SIK3: variants seen among roughly 807,000 people sequenced by gnomAD.
SIK3 encodes the protein serine/threonine-protein kinase SIK3.
SIK3 carries 28 observed loss-of-function variants against 144.2 expected under a neutral mutation model. The observed-to-expected ratio is 0.19, with a 90% CI of 0.14 to 0.27. SIK3 has a LOEUF of 0.27. Among genes scored for constraint, SIK3 ranks in the 10% least tolerant of loss-of-function variants. The pLI, the probability that SIK3 is intolerant of heterozygous loss-of-function variation, is 1.00. For missense variants in SIK3, 1,319 were observed against 1,776.0 expected, an observed-to-expected ratio of 0.74 and a Z score of 4.62; for synonymous variants, 686 against 676.3, an observed-to-expected ratio of 1.01 and a Z score of -0.22.
At chr11:116,926,929 G>A (rs1027156040) in intron 4 of SIK3, among the ~76,000 whole-genome samples, 1 of 150,952 alleles carries the variant, frequency 6.6e-6, no homozygotes, top group African/African-American at 2.4e-5. Context: ...GCTGAGGCAG[G>A]AGAATCGCTT....
At chr11:117,084,565 C>T (rs2134036298) in intron 1 of SIK3, among the ~76,000 whole-genome samples, 1 of 152,250 alleles carries the variant, frequency 6.6e-6, no homozygotes, top group South Asian at 2.1e-4. Flanking sequence ...CGCGCCGGGC[C>T]CAGCCTCCCG....
chr11:116,941,671 A>G (rs1255714259), intron 3 of SIK3, among the ~76,000 whole-genome samples: 1 of 152,206 alleles, frequency 6.6e-6, no homozygotes, highest in African/African-American at 2.4e-5. Flanking sequence ...TATTATTTTT[A>G]AGACACTGAG....
chr11:117,055,087 A>G (rs1211916186), intron 1 of SIK3, among the ~76,000 whole-genome samples: 1 of 152,230 alleles, frequency 6.6e-6, no homozygotes, highest in African/African-American at 2.4e-5. Context: ...CTTAAAGAAA[A>G]TAAGTAGTTT....
intron 4 of SIK3, among the ~76,000 whole-genome samples, chr11:116,897,719 C>T (rs981553464): frequency 6.6e-5 from 10 of 152,050 alleles, no homozygotes; most frequent in African/African-American, 2.4e-4. Context: ...CTCCTCTCCA[C>T]CAACATACAA....
At position 116,947,073 on chromosome 11, in the gene SIK3, C is replaced by G. The variant is rs1342942537; in HGVS notation, c.454+6971G>C. The stretch of plus-strand genomic sequence containing the variant: ...CTTGCAGTGAGCCGAGATTGCGCCA[C>G]TGCACTCCAGCATGGCCACAGAGTG... On this transcript the variant is annotated intron_variant, in intron 3 of 24. Coordinates refer to ENST00000445177, the MANE Select transcript of SIK3 (RefSeq NM_001366686.3). Among the ~76,000 whole-genome samples the G allele has an allele frequency of 2.6e-5, 3 of 117,624 alleles. No homozygotes were observed. In the Admixed American group the frequency reaches 2.7e-4, roughly 10 times the overall value. The allele number at this position is 117,624 out of a possible 152,430, so 77.2% of individuals were successfully genotyped here.
intron 9 of SIK3, 130 bp downstream of exon 9, chr11:116,875,736 G>T: frequency 8.6e-7 from 1 of 1,163,568 alleles, no homozygotes; most frequent in Non-Finnish European, 1.2e-6. Context: ...CAAAGGAAGA[G>T]ATGACAAATG....
intron 1 of SIK3, among the ~76,000 whole-genome samples, chr11:116,965,052 G>A (rs1435304618): frequency 2.0e-5 from 3 of 152,260 alleles, no homozygotes; most frequent in African/African-American, 7.2e-5. Flanking sequence ...CTGAAAGTGG[G>A]AAAATAAGTT....
intron 6 of SIK3, among the ~76,000 whole-genome samples, chr11:116,877,403 A>G (rs1297579729): frequency 2.0e-5 from 3 of 152,238 alleles, no homozygotes; most frequent in Admixed American, 2.0e-4. Context: ...TCAGTATCTT[A>G]CAAGGTTCTC....
chr11:116,982,985 G>A (rs1345529162), intron 1 of SIK3, among the ~76,000 whole-genome samples: 1 of 148,846 alleles, frequency 6.7e-6, no homozygotes, highest in African/African-American at 2.5e-5. Context: ...GACCCGAGGG[G>A]ATTTCTCTGA....
chr11:117,012,311 A>G (rs1951296567), intron 1 of SIK3, among the ~76,000 whole-genome samples: 1 of 152,090 alleles, frequency 6.6e-6, no homozygotes, highest in African/African-American at 2.4e-5. Flanking sequence ...TAATGTTTTC[A>G]ATGATGCCAG....
chr11:116,859,048 C>G (rs960436707), intron 20 of SIK3, among the ~76,000 whole-genome samples: 1 of 152,300 alleles, frequency 6.6e-6, no homozygotes, highest in Admixed American at 6.5e-5. Flanking sequence ...GTAGCTTTCC[C>G]ATTTTCCACC....
At chr11:117,051,730 T>C (rs1208326952) in intron 1 of SIK3, among the ~76,000 whole-genome samples, 13 of 152,122 alleles carry the variant, frequency 8.5e-5, no homozygotes, top group South Asian at 8.3e-4. Context: ...GGTTTCAACA[T>C]GTTGGCCGAC....
intron 1 of SIK3, among the ~76,000 whole-genome samples, chr11:116,969,963 A>G (rs1949709567): frequency 6.6e-6 from 1 of 152,190 alleles, no homozygotes; most frequent in African/African-American, 2.4e-5. Context: ...CAATGTTTTC[A>G]TCTATTACAT....
In SIK3 at chr11:117,050,286, T is replaced by TCACACA. The variant is rs559417764; in HGVS notation, c.273+47851_273+47856dup. Among the ~76,000 whole-genome samples, 318 of 149,396 alleles carry TCACACA rather than the reference T, an allele frequency of 2.1e-3. 2 individuals carry two copies. Among genetic ancestry groups the TCACACA allele is most frequent in the Non-Finnish European group, 2.8e-3 (187 of 67,158 alleles). On this transcript the variant is annotated intron_variant, in intron 1 of 24. Transcript: ENST00000445177. ...CCTGGGCGACAAGATCAAGACTCCA[T>TCACACA]CACACACACACACACACACAAAAAG...
intron 20 of SIK3, 57 bp downstream of exon 20, chr11:116,859,208 G>A (rs1039750738): frequency 1.3e-6 from 2 of 1,501,002 alleles, no homozygotes; most frequent in African/African-American, 2.8e-5. Flanking sequence ...CTGCTAAGGG[G>A]CTTCCTCCCA....
Position 117,084,194 on chromosome 11 carries a change from C to A in SIK3, c.273+13949G>T, listed in dbSNP as rs576484702. On this transcript the variant is annotated intron_variant, in intron 1 of 24. Coordinates refer to ENST00000445177, the MANE Select transcript of SIK3 (RefSeq NM_001366686.3). ...CCAATGCCCCCAACATGCAAACTGG[C>A]CCCAACTAATAACAGCTGTCTCTTA... Among the ~76,000 whole-genome samples, 55 of 152,268 alleles carry A rather than the reference C, an allele frequency of 3.6e-4. No individual in the cohort carries two copies. The South Asian group carries it at 0.011, about 32-fold the overall frequency.
chr11:116,926,035 T>C (rs556135111), intron 4 of SIK3, among the ~76,000 whole-genome samples: 71 of 152,276 alleles, frequency 4.7e-4, no homozygotes, highest in African/African-American at 1.1e-3. Flanking sequence ...CTCAGAAGAA[T>C]TGTGACCCTG....
At chr11:116,879,127 A>C (rs1451617471) in intron 6 of SIK3, among the ~76,000 whole-genome samples, 1 of 152,242 alleles carries the variant, frequency 6.6e-6, no homozygotes, top group Non-Finnish European at 1.5e-5. Flanking sequence ...TCTACTGAAT[A>C]TGTAAATAAA....
chr11:116,966,399 T>G (rs1328797987), intron 1 of SIK3, among the ~76,000 whole-genome samples: 2 of 151,816 alleles, frequency 1.3e-5, no homozygotes, highest in Non-Finnish European at 2.9e-5. Flanking sequence ...TTTCAAAAAA[T>G]AAAACAATAA....
Sources: gnomAD v4.1 joint callset for allele counts (sites outside exome capture counted in the v4.1 genomes callset) on GRCh38, gnomAD v4.1.1 for gene constraint, MANE v1.5 for transcripts, NCBI Gene and HGNC (gene_info 2026-07-23, HGNC 2026-07-21) for gene names.